Variants in CRB1 observed in about 807,000 individuals in gnomAD.
The protein encoded by CRB1 is crumbs cell polarity complex component 1, also known as protein crumbs homolog 1.
In CRB1, 83 loss-of-function variants were observed where a neutral mutation model predicts 120.0. The observed-to-expected ratio is 0.69, with a 90% confidence interval of 0.58 to 0.83. The LOEUF (loss-of-function observed/expected upper bound fraction) is 0.83, where lower values mean the gene tolerates loss of function less well. CRB1 is among the 40% of genes least tolerant of loss of function. The pLI, the probability that CRB1 is intolerant of heterozygous loss-of-function variation, is 0.00. For synonymous variants in CRB1, 625 were observed against 612.5 expected, an observed-to-expected ratio of 1.02 and a Z score of -0.30; for missense variants, 1,699 against 1,687.6, an observed-to-expected ratio of 1.01 and a Z score of -0.12.
chr1:197,422,124 C>T (rs1158532241), intron 6 of CRB1, 168 bp downstream of exon 6: 3 of 174,676 alleles, frequency 1.7e-5, no homozygotes, highest in Admixed American at 6.5e-5. Context: ...CAGTGATGTG[C>T]GTTAATTAAT....
rs190533082 is a variant in CRB1 at position 197,288,714 on chromosome 1, A to G, written c.70+20232A>G. 5.9e-4 allele frequency among the ~76,000 whole-genome samples: 89 copies of G among 152,016 alleles called. 1 individual carries two copies. Among genetic ancestry groups the G allele is most frequent in the Middle Eastern group, 6.8e-3 (2 of 292 alleles). On this transcript the variant is annotated intron_variant, in intron 1 of 11. Coordinates refer to ENST00000367400, the MANE Select transcript of CRB1 (RefSeq NM_201253.3). Reference sequence around the variant, plus strand: ...AAAAGTACGTTGGAAGAGATGAATGACAAATTAGACGTTGAAGGGAAGGTT... The same window carrying G: ...AAAAGTACGTTGGAAGAGATGAATGGCAAATTAGACGTTGAAGGGAAGGTT...
chr1:197,295,609 C>T (rs1272022694), intron 1 of CRB1, among the ~76,000 whole-genome samples: 1 of 151,998 alleles, frequency 6.6e-6, no homozygotes, highest in East Asian at 1.9e-4. Context: ...AATGGAATGA[C>T]ACAACTCAAG....
At chr1:197,303,438 C>G (rs1433565085) in intron 1 of CRB1, among the ~76,000 whole-genome samples, 1 of 151,416 alleles carries the variant, frequency 6.6e-6, no homozygotes, top group Non-Finnish European at 1.5e-5. Flanking sequence ...TCTTTTTACT[C>G]TGAAGTAAAG....
chr1:197,401,412 A>G (rs1211566396), intron 5 of CRB1, among the ~76,000 whole-genome samples: 2 of 152,182 alleles, frequency 1.3e-5, no homozygotes, highest in African/African-American at 4.8e-5. Flanking sequence ...TATGTAAGAC[A>G]AAGAATTTAG....
At chr1:197,289,736 C>G (rs1262236733) in intron 1 of CRB1, among the ~76,000 whole-genome samples, 1 of 151,698 alleles carries the variant, frequency 6.6e-6, no homozygotes, top group Admixed American at 6.6e-5. Context: ...CTAATATGCT[C>G]TAATTTGTTG....
At chr1:197,397,059 A>G (rs547976271) in intron 5 of CRB1, among the ~76,000 whole-genome samples, 1 of 152,228 alleles carries the variant, frequency 6.6e-6, no homozygotes, top group South Asian at 2.1e-4. Context: ...ACATATTGAT[A>G]TTCAGAATAT....
intron 5 of CRB1, chr1:197,364,042 A>T: frequency 7.3e-7 from 1 of 1,371,794 alleles, no homozygotes. Flanking sequence ...CAACTTCTTG[A>T]TGCGAAAGAA....
At chr1:197,450,489 T>A (rs1665905972) in intron 11 of CRB1, among the ~76,000 whole-genome samples, 1 of 152,096 alleles carries the variant, frequency 6.6e-6, no homozygotes, top group Non-Finnish European at 1.5e-5. Flanking sequence ...CACCAGGTAG[T>A]GAGCATAGTA....
At chr1:197,206,976 A>G in the CRB1 span, among the ~76,000 whole-genome samples, 1 of 152,114 alleles carries the variant, frequency 6.6e-6, no homozygotes, top group Non-Finnish European at 1.5e-5. Context: ...AAGGCCTTTT[A>G]TCATTATATA....
intron 2 of CRB1, among the ~76,000 whole-genome samples, chr1:197,331,771 TA>T (rs199782815): frequency 5.3e-5 from 8 of 152,108 alleles, no homozygotes; most frequent in African/African-American, 9.6e-5. Context: ...CTTATATTTG[TA>T]AAAAAAACAC....
chr1:197,403,935 A>G (rs912100984), intron 5 of CRB1, among the ~76,000 whole-genome samples: 4 of 152,198 alleles, frequency 2.6e-5, no homozygotes, highest in Admixed American at 6.5e-5. Context: ...CCTCAGATAC[A>G]TAGTAGAAAT....
rs1388065882 is a variant in CRB1, at chr1:197,435,221, C to T, written c.3358C>T (p.Pro1120Ser). 1.9e-6 allele frequency: 3 copies of T among 1,613,872 alleles called. No individual in the cohort carries two copies. The highest frequency in any genetic ancestry group is 2.5e-6 in the Non-Finnish European group (3 of 1,179,862). Residue 1120 changes from proline (P) to serine (S), a missense_variant, in exon 9 of 12, where the codon CCT becomes TCT. By Grantham distance (74) the Pro-to-Ser change is moderately conservative. Coordinates refer to ENST00000367400, the MANE Select transcript of CRB1 (RefSeq NM_201253.3). ...FENVHGFINK[P>S]QEEQFLKIST... ...AAATGTTCATGGTTTCATTAATAAA[C>T]CTCAGGAAGAGCAATTTCTCAAAAT...
intron 4 of CRB1, among the ~76,000 whole-genome samples, chr1:197,350,511 C>T (rs1371167269): frequency 6.6e-6 from 1 of 152,178 alleles, no homozygotes; most frequent in African/African-American, 2.4e-5. Flanking sequence ...AGTACATGTT[C>T]CATTCATTCA....
chr1:197,471,571 T>C (rs1666979346), intron 11 of CRB1, among the ~76,000 whole-genome samples: 1 of 152,158 alleles, frequency 6.6e-6, no homozygotes. Flanking sequence ...CATCCTTTCT[T>C]CACATTCCTA....
the CRB1 span, among the ~76,000 whole-genome samples, chr1:197,235,205 A>C: frequency 6.6e-6 from 1 of 152,144 alleles, no homozygotes. Context: ...TTTACTGTCC[A>C]TGCCATTTTG....
rs556367499 is a variant in CRB1 at position 197,468,029 on chromosome 1, G to T, written c.4006-9635G>T. ...CTATTCTAGTTCTTCTCCATTTGTGGCTCTGCATAAGGAGTTATCCTTCTG... is the reference window on the plus strand; with the variant it reads ...CTATTCTAGTTCTTCTCCATTTGTGTCTCTGCATAAGGAGTTATCCTTCTG... On this transcript the variant is annotated intron_variant, in intron 11 of 11. Coordinates refer to ENST00000367400, the MANE Select transcript of CRB1 (RefSeq NM_201253.3). Among the ~76,000 whole-genome samples, 9 of 152,236 alleles carry T rather than the reference G, an allele frequency of 5.9e-5. No individual in the cohort carries two copies. The East Asian group carries it at 1.7e-3, about 29-fold the overall frequency.
chr1:197,233,691 A>G, the CRB1 span, among the ~76,000 whole-genome samples: 11 of 152,238 alleles, frequency 7.2e-5, no homozygotes, highest in East Asian at 3.9e-4. Context: ...TCCTCCTGCC[A>G]TACTACTAGA....
intron 1 of CRB1, among the ~76,000 whole-genome samples, chr1:197,314,836 T>C (rs1296263067): frequency 6.6e-6 from 1 of 152,170 alleles, no homozygotes; most frequent in East Asian, 1.9e-4. Flanking sequence ...TTTCTGACAG[T>C]TTTGTTTATC....
chr1:197,317,216 A>G lies in CRB1; in HGVS notation c.71-11206A>G, dbSNP rs549791979. Among the ~76,000 whole-genome samples, 64 of 152,234 alleles carry G rather than the reference A, an allele frequency of 4.2e-4. No homozygotes were observed. The South Asian group carries it at 0.013, about 31-fold the overall frequency. On this transcript the variant is annotated intron_variant, in intron 1 of 11. Transcript: ENST00000367400. ...GTGAATCACCCGAGGTCAAGAGTTCAAGACCAGCCTGACCAACATGGTGAA... is the reference window on the plus strand; with the variant it reads ...GTGAATCACCCGAGGTCAAGAGTTCGAGACCAGCCTGACCAACATGGTGAA...
Sources: gnomAD v4.1 joint callset for allele counts (sites outside exome capture counted in the v4.1 genomes callset) on GRCh38, gnomAD v4.1.1 for gene constraint, MANE v1.5 for transcripts, NCBI Gene and HGNC (gene_info 2026-07-23, HGNC 2026-07-21) for gene names.